Variants in RBBP8NL observed in about 807,000 individuals in gnomAD.
RBBP8NL encodes RBBP8 N-terminal like.
Under a neutral mutation model 62.2 loss-of-function variants are expected in RBBP8NL, and 59 were observed. The ratio of observed to expected loss-of-function variants is 0.95; its 90% CI spans 0.77 to 1.18. The LOEUF (loss-of-function observed/expected upper bound fraction) is 1.18. Ranked by LOEUF, RBBP8NL falls within the 50% of genes most tolerant of loss-of-function variation. The probability of loss-of-function intolerance (pLI) is 0.00; values close to 1 mark genes in which losing one functional copy is unlikely to be tolerated. For synonymous variants in RBBP8NL, 412 were observed against 394.1 expected (o/e 1.05, Z -0.54); for missense variants, 896 against 899.5 (o/e 1.00, Z 0.05).
chr20:62,421,945 A>T (rs963067378), intron 1 of RBBP8NL, among the ~76,000 whole-genome samples: 1 of 152,072 alleles, frequency 6.6e-6, no homozygotes, highest in Non-Finnish European at 1.5e-5. Flanking sequence ...TACCCAACCT[A>T]CTGTGGAACC....
At chr20:62,425,808 T>G (rs1392664442) in intron 1 of RBBP8NL, among the ~76,000 whole-genome samples, 2 of 152,262 alleles carry the variant, frequency 1.3e-5, no homozygotes, top group Non-Finnish European at 2.9e-5. Context: ...CTCTGAGGCC[T>G]GGGCTGTCTG....
intron 1 of RBBP8NL, among the ~76,000 whole-genome samples, chr20:62,421,920 T>TGCTGTGTGTGTGC (rs1446819341): frequency 5.9e-5 from 9 of 152,130 alleles, no homozygotes; most frequent in African/African-American, 1.9e-4. Context: ...CATGTGTGTG[T>TGCTGTGTGTGTGC]GCTGTGTGTG....
In RBBP8NL at chr20:62,413,940, G is replaced by A; in HGVS notation, c.1411C>T (p.His471Tyr). The stretch of plus-strand genomic sequence containing the variant: ...GTGGGTGGCTCGGGGCTGGCAGTGT[G>A]GGCAGCGGCAGGGCTGAGTGACCCA... ...QHGSLSPAAA[H>Y]TASPEPPTQS... Residue 471 changes from histidine to tyrosine, a missense_variant, in exon 10 of 14, where the codon CAC becomes TAC. Physicochemically the swap from His to Tyr is moderately conservative, Grantham distance 83. Coordinates refer to ENST00000252998, the MANE Select transcript of RBBP8NL (RefSeq NM_080833.3). The A allele has an allele frequency of 6.3e-7, 1 of 1,588,020 alleles. No homozygotes were observed. The highest frequency in any genetic ancestry group is 1.1e-5 in the South Asian group (1 of 87,468).
chr20:62,412,112 C>T (rs902147440), intron 13 of RBBP8NL, among the ~76,000 whole-genome samples: 2 of 152,264 alleles, frequency 1.3e-5, no homozygotes, highest in African/African-American at 4.8e-5. Context: ...AGGACACTGC[C>T]CTTGGCAAAC....
intron 2 of RBBP8NL, among the ~76,000 whole-genome samples, chr20:62,418,984 G>A (rs754788129): frequency 8.5e-5 from 13 of 152,138 alleles, no homozygotes; most frequent in Admixed American, 7.2e-4. Flanking sequence ...GAAAGACCAC[G>A]GGGAGGTGCT....
At position 62,426,780 on chromosome 20, in the gene RBBP8NL, C is replaced by G. The variant is rs573006005; in HGVS notation, c.-84+680G>C. The stretch of plus-strand genomic sequence containing the variant: ...TGTGTGTGCACATGCACTCGTGTAC[C>G]CCACACGCGCGTGCGCCCGTGCACT... On this transcript the variant is annotated intron_variant, in intron 1 of 13. Transcript: ENST00000252998. 7.2e-5 allele frequency among the ~76,000 whole-genome samples: 11 copies of G among 152,364 alleles called. 1 individual carries two copies. In the South Asian group the frequency reaches 2.3e-3, roughly 32 times the overall value.
At chr20:62,414,843 G>A (rs1025510928) in intron 9 of RBBP8NL, among the ~76,000 whole-genome samples, 1 of 152,170 alleles carries the variant, frequency 6.6e-6, no homozygotes, top group African/African-American at 2.4e-5. Context: ...CAGGGACATC[G>A]GCCCCCTGCT....
chr20:62,416,029 AC>A, intron 6 of RBBP8NL, 84 bp from the exon 7 acceptor site: 2 of 1,457,136 alleles, frequency 1.4e-6, no homozygotes, highest in Admixed American at 2.1e-5. Context: ...CTCCTGGGTG[AC>A]CCCAGGTGAC....
chr20:62,412,875 T>C lies in RBBP8NL; in HGVS notation c.1701A>G (p.Arg567=). 1.2e-6 allele frequency: 2 copies of C among 1,613,472 alleles called. No homozygotes were observed. The highest frequency in any genetic ancestry group is 1.7e-6 in the Non-Finnish European group (2 of 1,180,016). ...HPEPSKAEVL[R]PESDELDETD... ...TCTCATCCAGTTCGTCGGACTCTGG[T>C]CTCAGCACTTCAGCCTTGCTGGGCT... Residue 567 remains arginine, a synonymous_variant, in exon 12 of 14, where the codon AGA becomes AGG. Transcript: ENST00000252998.
chr20:62,426,520 AAGC>A (rs1447682266), intron 1 of RBBP8NL, among the ~76,000 whole-genome samples: 2 of 152,232 alleles, frequency 1.3e-5, no homozygotes, highest in African/African-American at 4.8e-5. Flanking sequence ...CTGAGGCTTG[AAGC>A]AGATCAGAGA....
Position 62,417,264 on chromosome 20 carries a change from G to T in RBBP8NL, c.160C>A (p.Gln54Lys), listed in dbSNP as rs1220488552. The T allele has an allele frequency of 3.1e-6, 5 of 1,606,680 alleles. No individual in the cohort carries two copies. The highest frequency in any genetic ancestry group is 4.2e-6 in the Non-Finnish European group (5 of 1,176,784). ...FSKNHQLREQ[Q>K]KTLKENLRVL... ...CGCAGGTTCTCCTTCAGTGTCTTCT[G>T]CTGTTCCCGGAGCTGGTGGTTCTTG... is the stretch of plus-strand genomic sequence containing the variant. Residue 54 changes from glutamine (Q) to lysine (K), a missense_variant, in exon 4 of 14, where the codon CAG becomes AAG. By Grantham distance (53) the Gln-to-Lys change is moderately conservative (BLOSUM62 1). Transcript: ENST00000252998.
At chr20:62,418,921 G>T (rs1016235814) in intron 2 of RBBP8NL, among the ~76,000 whole-genome samples, 2 of 152,204 alleles carry the variant, frequency 1.3e-5, no homozygotes, top group Non-Finnish European at 2.9e-5. Flanking sequence ...TCTCTGGGTT[G>T]CCTAGGAGGC....
chr20:62,422,729 G>C lies in RBBP8NL; in HGVS notation c.-83-2999C>G, dbSNP rs145793870. On this transcript the variant is annotated intron_variant, in intron 1 of 13. Coordinates refer to ENST00000252998, the MANE Select transcript of RBBP8NL (RefSeq NM_080833.3). The stretch of plus-strand genomic sequence containing the variant: ...GAAGGAGGGTGTCCTAACTCTTGCC[G>C]AGCCCTTGCACCTGTGATCAAGCAT... Among the ~76,000 whole-genome samples the C allele has an allele frequency of 1.2e-3, 176 of 152,226 alleles. 1 individual carries two copies. The East Asian group carries it at 0.03, about 26-fold the overall frequency.
chr20:62,417,104 C>T, intron 4 of RBBP8NL, 120 bp downstream of exon 4: 1 of 794,708 alleles, frequency 1.3e-6, no homozygotes, highest in Non-Finnish European at 2.0e-6. Flanking sequence ...AGTGGGGAAA[C>T]CTTCCTGGTT....
In RBBP8NL at chr20:62,410,949, C is replaced by T. The variant is rs746349233; in HGVS notation, c.1924G>A (p.Gly642Arg). Residue 642 changes from glycine to arginine, a missense_variant, in exon 14 of 14, where the codon GGG becomes AGG. Physicochemically the swap from Gly to Arg is moderately radical, Grantham distance 125 (BLOSUM62 -2). Coordinates refer to ENST00000252998, the MANE Select transcript of RBBP8NL (RefSeq NM_080833.3). ...RGRRKLTATE[G>R]PGSPRDAEDH... ...TCGGCGTCCCTTGGGCTCCCGGGCCCCTCAGTGGCTGTCAGTTTCCTTCTC... is the reference window on the plus strand; with the variant it reads ...TCGGCGTCCCTTGGGCTCCCGGGCCTCTCAGTGGCTGTCAGTTTCCTTCTC... 2.5e-6 allele frequency: 4 copies of T among 1,613,766 alleles called. No individual in the cohort carries two copies. The South Asian group carries it at 3.3e-5, about 13-fold the overall frequency.
rs1339450948 is a variant in RBBP8NL at position 62,414,306 on chromosome 20, G to T, written c.1045C>A (p.Leu349Ile). The T allele has an allele frequency of 2.6e-6, 4 of 1,568,048 alleles. No individual in the cohort carries two copies. The highest frequency in any genetic ancestry group is 3.5e-6 in the Non-Finnish European group (4 of 1,158,500). Residue 349 changes from leucine (L) to isoleucine (I), a missense_variant, in exon 10 of 14, where the codon CTT becomes ATT. Physicochemically the swap from Leu to Ile is conservative, Grantham distance 5. Transcript: ENST00000252998. ...LPSALAGMQD[L>I]RLEGALHLLL... ...AGGTGCAGTGCCCCCTCCAGGCGAA[G>T]GTCCTGCATGCCCGCCAGGGCACTG...
intron 4 of RBBP8NL, 42 bp downstream of exon 4, chr20:62,417,182 C>T (rs1287898719): frequency 1.2e-5 from 17 of 1,475,022 alleles, no homozygotes; most frequent in Admixed American, 1.9e-5. Context: ...CTCCTGAGCC[C>T]ACCGGTCCTG....
chr20:62,415,872 C>T lies in RBBP8NL; in HGVS notation c.460G>A (p.Gly154Ser). ...PSPLLLPSPG[G>S]WKAITEKPPG... ...GGCTTCTCTGTGATGGCCTTCCAGC[C>T]ACCAGGGGAGGGGAGCAGCAGGGGT... Residue 154 changes from glycine to serine, a missense_variant, in exon 7 of 14, where the codon GGC (glycine) becomes AGC (serine). Coordinates refer to ENST00000252998, the MANE Select transcript of RBBP8NL (RefSeq NM_080833.3). 1.2e-6 allele frequency: 2 copies of T among 1,610,716 alleles called. No homozygotes were observed. Among genetic ancestry groups the T allele is most frequent in the Non-Finnish European group, 1.7e-6 (2 of 1,179,316 alleles).
At position 62,413,764 on chromosome 20, in the gene RBBP8NL, C is replaced by T. The variant is rs573157372; in HGVS notation, c.1530+57G>A. The T allele has an allele frequency of 2.4e-4, 368 of 1,521,436 alleles. No homozygotes were observed. The African/African-American group carries it at 4.1e-3, about 17-fold the overall frequency. 94.2% of individuals were successfully genotyped at this position (1,521,436 alleles called of 1,614,324 possible). ...CCCGAGGTCTGGGGGGAGGCCGGCC[C>T]GGGGTGGGGGACGTGGAGGCTGAGG... On this transcript the variant is annotated intron_variant, in intron 10 of 13. Transcript: ENST00000252998.
Sources: gnomAD v4.1 joint callset for allele counts (sites outside exome capture counted in the v4.1 genomes callset) on GRCh38, gnomAD v4.1.1 for gene constraint, MANE v1.5 for transcripts, NCBI Gene and HGNC (gene_info 2026-07-23, HGNC 2026-07-21) for gene names.